PSMD12: variants seen among roughly 807,000 people sequenced by gnomAD.
PSMD12 encodes the protein 26S proteasome non-ATPase regulatory subunit 12.
PSMD12 carries 8 observed loss-of-function variants against 62.9 expected under a neutral mutation model. That is an observed-to-expected ratio of 0.13 (90% CI 0.07 to 0.23). The LOEUF is 0.23. Among genes scored for constraint, PSMD12 ranks in the 10% least tolerant of loss-of-function variants. The probability of loss-of-function intolerance (pLI) is 1.00; values close to 1 mark genes in which losing one functional copy is unlikely to be tolerated. For synonymous variants in PSMD12, 173 were observed against 187.4 expected, an observed-to-expected ratio of 0.92 and a Z score of 0.63; for missense variants, 424 against 550.2, an observed-to-expected ratio of 0.77 and a Z score of 2.29.
intron 3 of PSMD12, among the ~76,000 whole-genome samples, chr17:67,351,806 A>G (rs1172736226): frequency 6.6e-6 from 1 of 151,776 alleles, no homozygotes; most frequent in Non-Finnish European, 1.5e-5. Context: ...TTTTAATTAA[A>G]AACATTTTTT....
chr17:67,340,720 A>G lies in PSMD12; in HGVS notation c.*123T>C, dbSNP rs2041905256. 1.4e-6 allele frequency: 1 copy of G among 716,872 alleles called. No homozygotes were observed. The highest frequency in any genetic ancestry group is 2.1e-6 in the Non-Finnish European group (1 of 473,322). 44.4% of individuals were successfully genotyped at this position (716,872 alleles called of 1,614,324 possible). ...TGAAAGGTCAAAGGGAGTCTCAAAC[A>G]TATTCACTATTTTAAAATTTAAGAC... On this transcript the variant is annotated 3_prime_UTR_variant, in exon 11 of 11. Transcript: ENST00000356126.
At chr17:67,365,828 G>C (rs1244835207) in intron 1 of PSMD12, among the ~76,000 whole-genome samples, 1 of 151,906 alleles carries the variant, frequency 6.6e-6, no homozygotes, top group Admixed American at 6.6e-5. Context: ...CATTAAGAAT[G>C]CATAGCTTCC....
At chr17:67,347,787 A>G (rs1370773798) in intron 5 of PSMD12, among the ~76,000 whole-genome samples, 2 of 152,166 alleles carry the variant, frequency 1.3e-5, no homozygotes, top group Non-Finnish European at 2.9e-5. Flanking sequence ...CTTTATAATC[A>G]CACACTTCCC....
At chr17:67,365,974 CCTT>C (rs1475630047) in intron 1 of PSMD12, among the ~76,000 whole-genome samples, 2 of 152,130 alleles carry the variant, frequency 1.3e-5, no homozygotes, top group African/African-American at 4.8e-5. Context: ...CTTTCCTGCC[CCTT>C]CTCCTGGCCA....
intron 10 of PSMD12, 38 bp downstream of exon 10, chr17:67,342,148 G>A (rs1268892574): frequency 2.2e-6 from 3 of 1,371,142 alleles, no homozygotes; most frequent in Non-Finnish European, 2.1e-6. Context: ...CATTCAAAAG[G>A]AATGCCTACA....
intron 3 of PSMD12, among the ~76,000 whole-genome samples, chr17:67,356,824 A>AAT (rs1464253113): frequency 1.3e-5 from 2 of 151,766 alleles, no homozygotes; most frequent in African/African-American, 4.8e-5. Flanking sequence ...CAGCCTGGGT[A>AAT]ATATAGTGAG....
intron 3 of PSMD12, among the ~76,000 whole-genome samples, chr17:67,355,080 A>C (rs944494288): frequency 1.4e-5 from 2 of 147,690 alleles, no homozygotes; most frequent in African/African-American, 2.5e-5. Flanking sequence ...ATCGGCTTGC[A>C]TATTTTTGGT....
chr17:67,356,983 CTGGG>C (rs2042081116), intron 3 of PSMD12, among the ~76,000 whole-genome samples: 1 of 152,012 alleles, frequency 6.6e-6, no homozygotes, highest in African/African-American at 2.4e-5. Context: ...GCACTCCAGC[CTGGG>C]TGACAGAGTG....
chr17:67,350,562 C>G (rs1371055184), intron 3 of PSMD12, among the ~76,000 whole-genome samples: 1 of 152,106 alleles, frequency 6.6e-6, no homozygotes, highest in African/African-American at 2.4e-5. Flanking sequence ...AGAGATGCAG[C>G]CAAGCAGGAA....
At chr17:67,358,239 G>A (rs576780643) in intron 1 of PSMD12, among the ~76,000 whole-genome samples, 183 of 152,054 alleles carry the variant, frequency 1.2e-3, no homozygotes, top group Non-Finnish European at 1.9e-3. Context: ...GTTCTGATCA[G>A]AGACTCTAAG....
chr17:67,343,969 G>A (rs75147046), intron 9 of PSMD12, among the ~76,000 whole-genome samples: 33,624 of 152,030 alleles, frequency 0.22, 3,891 homozygotes, highest in Middle Eastern at 0.28. Context: ...CTCCCAAAGT[G>A]CTGGGATCAC....
chr17:67,354,660 T>A (rs1423718661), intron 3 of PSMD12, among the ~76,000 whole-genome samples: 1 of 152,118 alleles, frequency 6.6e-6, no homozygotes. Context: ...TAATTGTCTC[T>A]CAAACCACTG....
At position 67,340,949 on chromosome 17, in the gene PSMD12, T is replaced by C; in HGVS notation, c.1265A>G (p.Asn422Ser). The change falls in exon 11 of 11, where the codon AAT (asparagine) becomes AGT (serine). Residue 422 changes from asparagine (N) to serine (S), a missense_variant. Coordinates refer to ENST00000356126, the MANE Select transcript of PSMD12 (RefSeq NM_002816.5). ...IINFQRPKDP[N>S]NLLNDWSQKL... is the part of the protein sequence containing the mutation. ...CTGAGACCAGTCATTTAATAAATTA[T>C]TTGGATCCTTGGGTCTCTGGAAGTT... is the stretch of plus-strand genomic sequence containing the variant. 1 of 1,586,190 alleles carries C rather than the reference T, an allele frequency of 6.3e-7. No individual in the cohort carries two copies. The highest frequency in any genetic ancestry group is 8.5e-7 in the Non-Finnish European group (1 of 1,171,210).
At position 67,356,374 on chromosome 17, in the gene PSMD12, C is replaced by T. The variant is rs189936930; in HGVS notation, c.297+929G>A. On this transcript the variant is annotated intron_variant, in intron 3 of 10. Coordinates refer to ENST00000356126, the MANE Select transcript of PSMD12 (RefSeq NM_002816.5). Reference sequence around the variant, plus strand: ...GAGATCGAGACCATCCTGGCTAACACGGTGAAACCCCGTCTCTACTAAAAA... The same window carrying T: ...GAGATCGAGACCATCCTGGCTAACATGGTGAAACCCCGTCTCTACTAAAAA... 1.3e-3 allele frequency among the ~76,000 whole-genome samples: 203 copies of T among 150,702 alleles called. 1 individual carries two copies. Among genetic ancestry groups the T allele is most frequent in the African/African-American group, 3.6e-3 (150 of 41,186 alleles).
At chr17:67,357,106 A>T in intron 3 of PSMD12, 197 bp downstream of exon 3, 1 of 542,686 alleles carries the variant, frequency 1.8e-6, no homozygotes, top group Non-Finnish European at 3.0e-6. Context: ...TTTTAAAAAT[A>T]TGCAAACATA....
At chr17:67,349,081 G>A (rs9911472) in intron 4 of PSMD12, among the ~76,000 whole-genome samples, 38,156 of 152,114 alleles carry the variant, frequency 0.25, 5,130 homozygotes, top group Non-Finnish European at 0.3. Context: ...GTGCAGTGGC[G>A]TGATCTCGGC....
chr17:67,345,911 G>T, intron 7 of PSMD12, 54 bp from the exon 8 acceptor site: 1 of 1,447,716 alleles, frequency 6.9e-7, no homozygotes. Flanking sequence ...TGGAAACTTT[G>T]ACAAAAACTG....
Position 67,344,645 on chromosome 17 carries a change from T to C in PSMD12, c.1044A>G (p.Glu348=). ...TGTTCTTCAAGTCTTTCCACCTTTT[T>C]TCACCTTCCTCTGTAGAACCAAAAA... ...TDVFGSTEEG[E]KRWKDLKNRV... The change falls in exon 9 of 11, where the codon GAA becomes GAG. Residue 348 remains glutamate, a synonymous_variant. Transcript: ENST00000356126. 1 of 1,612,342 alleles carries C rather than the reference T, an allele frequency of 6.2e-7. No homozygotes were observed.
chr17:67,358,555 G>A (rs1420246740), intron 1 of PSMD12, among the ~76,000 whole-genome samples: 5 of 94,978 alleles, frequency 5.3e-5, no homozygotes, highest in African/African-American at 1.6e-4. Flanking sequence ...GCGACAGAGT[G>A]AGAACCTGTC....
Sources: gnomAD v4.1 joint callset for allele counts (sites outside exome capture counted in the v4.1 genomes callset) on GRCh38, gnomAD v4.1.1 for gene constraint, MANE v1.5 for transcripts, NCBI Gene and HGNC (gene_info 2026-07-23, HGNC 2026-07-21) for gene names.